The following SRPK2 variants were observed in gnomAD, a reference collection of about 807,000 sequenced individuals.
SRPK2 encodes the protein SRSF protein kinase 2.
SRPK2 carries 21 observed loss-of-function variants against 90.8 expected under a neutral mutation model. That is an observed-to-expected ratio of 0.23 (90% CI 0.16 to 0.33). SRPK2 has a LOEUF of 0.33. SRPK2 is among the 10% of genes least tolerant of loss of function. The pLI, the probability that SRPK2 is intolerant of heterozygous loss-of-function variation, is 1.00. For missense variants in SRPK2, 620 were observed against 869.0 expected, an observed-to-expected ratio of 0.71 and a Z score of 3.60; for synonymous variants, 288 against 311.1, an observed-to-expected ratio of 0.93 and a Z score of 0.78.
At chr7:105,313,446 C>CAAA (rs546210374) in intron 2 of SRPK2, among the ~76,000 whole-genome samples, 30 of 64,552 alleles carry the variant, frequency 4.6e-4, no homozygotes, top group African/African-American at 1.2e-3. Context: ...GACTCCATCT[C>CAAA]AAAAAAAAAA....
At chr7:105,149,360 C>T (rs555935979) in intron 7 of SRPK2, among the ~76,000 whole-genome samples, 62 of 152,230 alleles carry the variant, frequency 4.1e-4, no homozygotes, top group Non-Finnish European at 5.7e-4. Context: ...AGTCATAGTA[C>T]CTTCCCTTGA....
chr7:105,174,234 T>G (rs1459045433), intron 3 of SRPK2, among the ~76,000 whole-genome samples: 2 of 152,168 alleles, frequency 1.3e-5, no homozygotes, highest in African/African-American at 2.4e-5. Flanking sequence ...CCTATGCTAA[T>G]AAGAAGACTC....
chr7:105,323,508 T>C (rs1385722135), intron 2 of SRPK2, among the ~76,000 whole-genome samples: 1 of 152,232 alleles, frequency 6.6e-6, no homozygotes, highest in East Asian at 1.9e-4. Flanking sequence ...TGAGACACTG[T>C]AGGCAGTCTA....
chr7:105,228,367 G>T (rs1798981793), intron 2 of SRPK2, among the ~76,000 whole-genome samples: 1 of 152,162 alleles, frequency 6.6e-6, no homozygotes, highest in South Asian at 2.1e-4. Context: ...TCAACTTTCT[G>T]AAATTACATT....
chr7:105,237,225 A>AT (rs1800249713), intron 2 of SRPK2, among the ~76,000 whole-genome samples: 1 of 152,218 alleles, frequency 6.6e-6, no homozygotes, highest in South Asian at 2.1e-4. Context: ...CTGCCAGATG[A>AT]TTTTTTATTT....
chr7:105,226,416 G>T (rs1037589960), intron 2 of SRPK2, among the ~76,000 whole-genome samples: 1 of 151,910 alleles, frequency 6.6e-6, no homozygotes, highest in Admixed American at 6.6e-5. Flanking sequence ...TCAGCCTCTC[G>T]AGTAGCTGGG....
intron 2 of SRPK2, among the ~76,000 whole-genome samples, chr7:105,256,922 T>C (rs1050041980): frequency 6.6e-6 from 1 of 152,190 alleles, no homozygotes; most frequent in African/African-American, 2.4e-5. Flanking sequence ...TAAAGTAAGT[T>C]TCCCAGAAGT....
chr7:105,290,654 A>ACTC (rs1808849223), intron 2 of SRPK2, among the ~76,000 whole-genome samples: 1 of 152,112 alleles, frequency 6.6e-6, no homozygotes, highest in Non-Finnish European at 1.5e-5. Flanking sequence ...ACACACGCAG[A>ACTC]CTCTGTCTCA....
At chr7:105,115,204 A>G (rs1799555551), downstream of SRPK2, 1 of 152,220 alleles carries the variant, frequency 6.6e-6, no homozygotes, top group African/African-American at 2.4e-5. Flanking sequence ...AGGGGGAGAA[A>G]AAAGGAGAAT....
chr7:105,362,997 T>TG (rs1448858969), intron 2 of SRPK2, among the ~76,000 whole-genome samples: 4 of 151,192 alleles, frequency 2.6e-5, no homozygotes, highest in African/African-American at 7.3e-5. Flanking sequence ...TGAGAACACT[T>TG]GGACACAGGA....
At chr7:105,259,347 A>G (rs1803847916) in intron 2 of SRPK2, among the ~76,000 whole-genome samples, 1 of 152,236 alleles carries the variant, frequency 6.6e-6, no homozygotes, top group South Asian at 2.1e-4. Context: ...GACCTCTTCA[A>G]GGAGACTACA....
intron 15 of SRPK2, among the ~76,000 whole-genome samples, chr7:105,122,790 G>GAC (rs961890816): frequency 1.3e-5 from 2 of 151,696 alleles, no homozygotes; most frequent in African/African-American, 4.8e-5. Flanking sequence ...TCTGTAGTCT[G>GAC]ACACACACAC....
Position 105,203,697 on chromosome 7 carries a change from G to A in SRPK2, c.160C>T (p.Pro54Ser). 10 of 1,591,500 alleles carry A rather than the reference G, an allele frequency of 6.3e-6. No homozygotes were observed. The highest frequency in any genetic ancestry group is 8.5e-6 in the Non-Finnish European group (10 of 1,170,478). ...PPPPLPDPTP[P>S]EPEEEILGSD... ...CCCAGGATCTCCTCCTCTGGCTCCGGGGGTGTGGGGTCTGGCAAAGGTGGC... is the reference window on the plus strand; with the variant it reads ...CCCAGGATCTCCTCCTCTGGCTCCGAGGGTGTGGGGTCTGGCAAAGGTGGC... The change falls in exon 3 of 16, where the codon CCG becomes TCG. Residue 54 changes from proline to serine, a missense_variant. By Grantham distance (74) the Pro-to-Ser change is moderately conservative (BLOSUM62 -1). Transcript: ENST00000393651.
intron 2 of SRPK2, among the ~76,000 whole-genome samples, chr7:105,321,270 A>C (rs534029369): frequency 6.6e-6 from 1 of 152,354 alleles, no homozygotes; most frequent in Admixed American, 6.5e-5. Flanking sequence ...GGGTATCCAC[A>C]TGCAGAAAAA....
In SRPK2 at chr7:105,338,723, T is replaced by C. The variant is rs373928526; in HGVS notation, c.71+49925A>G. On this transcript the variant is annotated intron_variant, in intron 2 of 15. Coordinates refer to ENST00000393651, the MANE Select transcript of SRPK2 (RefSeq NM_182692.3). ...AATAATTTTTGAATCCTGTTGTAAA[T>C]AGGATGATTTTCATTGTATATATCC... is the stretch of plus-strand genomic sequence containing the variant. Among the ~76,000 whole-genome samples the C allele has an allele frequency of 3.3e-5, 5 of 152,328 alleles. No homozygotes were observed. In the East Asian group the frequency reaches 9.6e-4, roughly 29 times the overall value.
chr7:105,146,594 T>A lies in SRPK2; in HGVS notation c.686A>T (p.Glu229Val). ...CKIIHTDIKP[E>V]NILMCVDDAY... ...ATCATCCACACACATCAAGATATTT[T>A]CCGGCTTTATGTCAGTATGAATGAT... is the stretch of plus-strand genomic sequence containing the variant. The change falls in exon 8 of 16, where the codon GAA becomes GTA. Residue 229 changes from glutamate (E) to valine (V), a missense_variant. Transcript: ENST00000393651. 1 of 1,614,240 alleles carries A rather than the reference T, an allele frequency of 6.2e-7. No homozygotes were observed.
intron 3 of SRPK2, among the ~76,000 whole-genome samples, chr7:105,201,965 A>G (rs1350745206): frequency 6.6e-6 from 1 of 152,242 alleles, no homozygotes; most frequent in Non-Finnish European, 1.5e-5. Context: ...AATCGAAGAC[A>G]GTATAAGAAA....
intron 2 of SRPK2, among the ~76,000 whole-genome samples, chr7:105,296,558 T>TAA (rs1317941836): frequency 6.6e-5 from 10 of 152,228 alleles, no homozygotes; most frequent in Non-Finnish European, 1.5e-4. Flanking sequence ...AAAGTATAAC[T>TAA]TAGAGGAATT....
intron 2 of SRPK2, among the ~76,000 whole-genome samples, chr7:105,283,941 G>A (rs764847985): frequency 6.6e-5 from 10 of 152,100 alleles, no homozygotes; most frequent in Non-Finnish European, 1.5e-4. Context: ...AGTGAGCCGT[G>A]ATGGTGCCAC....
Sources: allele counts gnomAD v4.1 joint callset (sites outside exome capture counted in the v4.1 genomes callset), GRCh38; gene constraint gnomAD v4.1.1; transcripts MANE v1.5; gene names NCBI Gene and HGNC (gene_info 2026-07-23, HGNC 2026-07-21).